Variants in PCDHA13 observed in about 807,000 individuals in gnomAD.
PCDHA13 encodes protocadherin alpha 13, also known as protocadherin alpha-13.
PCDHA13 carries 54 observed loss-of-function variants against 64.8 expected under a neutral mutation model. The ratio of observed to expected loss-of-function variants is 0.83; its 90% confidence interval spans 0.67 to 1.04. The LOEUF (loss-of-function observed/expected upper bound fraction) is 1.04. Ranked by LOEUF, PCDHA13 falls within the 50% of genes least tolerant of loss-of-function variation. PCDHA13 has a pLI of 0.00. For synonymous variants in PCDHA13, 587 were observed against 564.4 expected (o/e 1.04, Z -0.57); for missense variants, 1,248 against 1,254.3 (o/e 0.99, Z 0.08).
At chr5:140,962,803 T>C (rs2095709614) in intron 1 of PCDHA13, among the ~76,000 whole-genome samples, 1 of 152,240 alleles carries the variant, frequency 6.6e-6, no homozygotes. Context: ...TGGACAACTC[T>C]AAACATCAGA....
At chr5:140,995,687 G>C (rs983290111) in intron 3 of PCDHA13, among the ~76,000 whole-genome samples, 3 of 152,062 alleles carry the variant, frequency 2.0e-5, no homozygotes, top group Admixed American at 6.5e-5. Context: ...TTTTTTAATT[G>C]TTAAATAAAG....
chr5:140,928,664 G>A (rs186350151), intron 1 of PCDHA13: 2 of 1,614,214 alleles, frequency 1.2e-6, no homozygotes, highest in Non-Finnish European at 1.7e-6. Context: ...GCTGACAGTG[G>A]TTCTAATGCC....
intron 1 of PCDHA13, among the ~76,000 whole-genome samples, chr5:140,902,590 A>G (rs1266008229): frequency 6.6e-6 from 1 of 151,942 alleles, no homozygotes; most frequent in African/African-American, 2.4e-5. Flanking sequence ...TAGTTTTGGG[A>G]AACAGGTCGT....
chr5:140,951,008 G>A (rs563188363), intron 1 of PCDHA13, among the ~76,000 whole-genome samples: 2 of 151,974 alleles, frequency 1.3e-5, no homozygotes, highest in South Asian at 4.2e-4. Flanking sequence ...TTTTTCCCAA[G>A]ATCAGGCAGT....
At chr5:140,951,941 C>T (rs576414648) in intron 1 of PCDHA13, among the ~76,000 whole-genome samples, 8 of 152,220 alleles carry the variant, frequency 5.3e-5, no homozygotes, top group African/African-American at 1.4e-4. Flanking sequence ...AGATACAGTG[C>T]GGGTACAGGC....
chr5:140,941,191 T>TTTC (rs1487503403), intron 1 of PCDHA13, among the ~76,000 whole-genome samples: 199 of 93,252 alleles, frequency 2.1e-3, no homozygotes, highest in Middle Eastern at 0.015. Flanking sequence ...GCTTCTTTTT[T>TTTC]TTTCTTTCTT....
intron 3 of PCDHA13, among the ~76,000 whole-genome samples, chr5:140,998,727 G>T (rs2097831761): frequency 6.6e-6 from 1 of 152,076 alleles, no homozygotes; most frequent in African/African-American, 2.4e-5. Flanking sequence ...ACCACGCTAG[G>T]CTAATTTTGT....
chr5:140,978,758 C>A (rs925464508), intron 1 of PCDHA13, among the ~76,000 whole-genome samples, 191 bp from the exon 2 acceptor site: 6 of 152,148 alleles, frequency 3.9e-5, no homozygotes, highest in African/African-American at 1.4e-4. Context: ...TGTGTGAGGA[C>A]CCTGATGAAC....
chr5:140,884,345 C>T lies in PCDHA13; in HGVS notation c.2077C>T (p.Leu693=), dbSNP rs782318945. The T allele has an allele frequency of 6.2e-7, 1 of 1,613,798 alleles. No homozygotes were observed. The highest frequency in any genetic ancestry group is 8.5e-7 in the Non-Finnish European group (1 of 1,179,890). Residue 693 remains leucine (L), a synonymous_variant, in exon 1 of 4, where the codon CTG becomes TTG. Coordinates refer to ENST00000289272, the MANE Select transcript of PCDHA13 (RefSeq NM_018904.3). ...SAGAVGPEAA[L]VDVNVYLIIA... ...AGGCGCTGTGGGTCCAGAAGCGGCGCTGGTGGATGTCAATGTTTACTTGAT... is the reference window on the plus strand; with the variant it reads ...AGGCGCTGTGGGTCCAGAAGCGGCGTTGGTGGATGTCAATGTTTACTTGAT...
At chr5:140,966,425 G>A in intron 1 of PCDHA13, 1 of 421,678 alleles carries the variant, frequency 2.4e-6, no homozygotes, top group South Asian at 9.9e-5. Flanking sequence ...GACTTGCTGA[G>A]CCCTCCTACC....
At chr5:140,900,049 A>T (rs2067710838) in intron 1 of PCDHA13, among the ~76,000 whole-genome samples, 1 of 152,044 alleles carries the variant, frequency 6.6e-6, no homozygotes, top group Non-Finnish European at 1.5e-5. Flanking sequence ...GGCTCAAGTG[A>T]TCCTTTAACC....
chr5:140,928,231 C>T (rs2085058715), intron 1 of PCDHA13: 2 of 1,614,108 alleles, frequency 1.2e-6, no homozygotes, highest in South Asian at 2.2e-5. Context: ...AAACTTTCCT[C>T]AACCCCAGCA....
intron 1 of PCDHA13, among the ~76,000 whole-genome samples, chr5:140,889,913 T>C (rs1287325026): frequency 6.6e-6 from 1 of 152,172 alleles, no homozygotes; most frequent in Admixed American, 6.5e-5. Context: ...ATTGTCATAC[T>C]GTAAAGAAGC....
Position 140,883,940 on chromosome 5 carries a change from G to T in PCDHA13, c.1672G>T (p.Glu558Ter). 1 of 1,613,412 alleles carries T rather than the reference G, an allele frequency of 6.2e-7. No individual in the cohort carries two copies. The highest frequency in any genetic ancestry group is 8.5e-7 in the Non-Finnish European group (1 of 1,179,854). Residue 558 changes from glutamate to a stop codon, truncating the protein, a stop_gained, in exon 1 of 4, where the codon GAG becomes TAG. Coordinates refer to ENST00000289272, the MANE Select transcript of PCDHA13 (RefSeq NM_018904.3). LOFTEE classifies it high-confidence loss of function. Reference protein sequence around the residue: ...NVTLQVFVLDENDNAPALLTP... With the variant: ...NVTLQVFVLD ...GACGCTGCAGGTGTTCGTGCTGGAC[G>T]AGAACGACAACGCTCCGGCGCTGCT...
chr5:140,886,217 T>C (rs548266069), intron 1 of PCDHA13, among the ~76,000 whole-genome samples: 3 of 152,240 alleles, frequency 2.0e-5, no homozygotes, highest in African/African-American at 7.2e-5. Flanking sequence ...TTTCTCTAAT[T>C]TTGTTACTTT....
intron 1 of PCDHA13, among the ~76,000 whole-genome samples, chr5:140,901,935 GTA>G (rs200320249): frequency 0.011 from 1,607 of 151,762 alleles, 16 homozygotes; most frequent in African/African-American, 0.028. Context: ...TAATTCCTAG[GTA>G]TATTTAGTTT....
At chr5:140,960,303 C>G (rs2095539243) in intron 1 of PCDHA13, among the ~76,000 whole-genome samples, 1 of 152,132 alleles carries the variant, frequency 6.6e-6, no homozygotes, top group African/African-American at 2.4e-5. Context: ...TTCATCAATA[C>G]CAACCTCATT....
At chr5:140,927,045 C>T (rs965998627) in intron 1 of PCDHA13, 8 of 1,612,136 alleles carry the variant, frequency 5.0e-6, no homozygotes, top group African/African-American at 1.3e-5. Flanking sequence ...CCGCTATGTC[C>T]TCGCGGAACT....
At chr5:140,902,560 G>T (rs558432897) in intron 1 of PCDHA13, among the ~76,000 whole-genome samples, 9 of 152,072 alleles carry the variant, frequency 5.9e-5, no homozygotes, top group Non-Finnish European at 1.2e-4. Flanking sequence ...CCAGATTTTT[G>T]AGGGTTTTTA....
Sources: allele counts gnomAD v4.1 joint callset (sites outside exome capture counted in the v4.1 genomes callset), GRCh38; gene constraint gnomAD v4.1.1; transcripts MANE v1.5; gene names NCBI Gene and HGNC (gene_info 2026-07-23, HGNC 2026-07-21).